Variants in UQCRC2 observed in about 807,000 individuals in gnomAD.
UQCRC2 encodes cytochrome b-c1 complex subunit 2, mitochondrial.
In UQCRC2, 49 loss-of-function variants were observed where a neutral mutation model predicts 55.6. That is an observed-to-expected ratio of 0.88 (90% CI 0.70 to 1.12). The LOEUF is 1.12. UQCRC2 is among the 50% of genes most tolerant of loss of function. The pLI is 0.00. For synonymous variants in UQCRC2, 193 were observed against 192.0 expected (o/e 1.01, Z -0.04); for missense variants, 506 against 547.8 (o/e 0.92, Z 0.76).
chr16:21,967,480 C>T (rs749986623), intron 7 of UQCRC2, among the ~76,000 whole-genome samples: 8 of 151,576 alleles, frequency 5.3e-5, no homozygotes, highest in Non-Finnish European at 1.2e-4. Context: ...TTTCACCCAT[C>T]TGGAAAGGAT....
chr16:21,978,800 C>T (rs1304578451), intron 12 of UQCRC2, among the ~76,000 whole-genome samples: 2 of 152,104 alleles, frequency 1.3e-5, no homozygotes, highest in East Asian at 1.9e-4. Flanking sequence ...TGTTGAGTTT[C>T]GGGGCACATA....
intron 1 of UQCRC2, among the ~76,000 whole-genome samples, chr16:21,956,329 A>C (rs748520076): frequency 6.6e-6 from 1 of 152,086 alleles, no homozygotes; most frequent in Non-Finnish European, 1.5e-5. Flanking sequence ...GGATTGCCTG[A>C]GCTCAGGAGT....
chr16:21,974,502 C>T (rs1898536824), intron 11 of UQCRC2, among the ~76,000 whole-genome samples: 2 of 152,174 alleles, frequency 1.3e-5, no homozygotes, highest in Middle Eastern at 3.2e-3. Context: ...AGTGAAATAA[C>T]ATTCATTACC....
intron 6 of UQCRC2, among the ~76,000 whole-genome samples, chr16:21,964,053 C>G (rs1898267229): frequency 6.6e-6 from 1 of 152,056 alleles, no homozygotes; most frequent in African/African-American, 2.4e-5. Flanking sequence ...CTGGTGGGAG[C>G]AGAAATGTGC....
In UQCRC2 at chr16:21,963,051, C is replaced by G. The variant is rs556294440; in HGVS notation, c.514+166C>G. 2.1e-5 allele frequency: 18 copies of G among 863,674 alleles called. No homozygotes were observed. In the Admixed American group the frequency reaches 4.9e-4, roughly 24 times the overall value. 53.5% of individuals were successfully genotyped at this position (863,674 alleles called of 1,614,324 possible). On this transcript the variant is annotated intron_variant, in intron 6 of 13. Coordinates refer to ENST00000268379, the MANE Select transcript of UQCRC2 (RefSeq NM_003366.4). ...TCACCCAGGCTGGAGTGCAGTGGCA[C>G]GATCTTGGCTCACTGCAACCTCCAG... is the stretch of plus-strand genomic sequence containing the variant.
At chr16:21,961,674 G>C (rs1418432699) in intron 4 of UQCRC2, among the ~76,000 whole-genome samples, 1 of 57,732 alleles carries the variant, frequency 1.7e-5, no homozygotes, top group Non-Finnish European at 5.2e-5. Context: ...ATATATTTTA[G>C]ACAGTCTCGC....
At chr16:21,962,336 T>C in intron 4 of UQCRC2, 124 bp from the exon 5 acceptor site, 1 of 1,144,612 alleles carries the variant, frequency 8.7e-7, no homozygotes, top group Non-Finnish European at 1.2e-6. Flanking sequence ...TTTTGTTATA[T>C]TATTGTTCGC....
intron 12 of UQCRC2, chr16:21,977,028 C>A (rs1452874513): frequency 6.6e-6 from 1 of 151,914 alleles, no homozygotes; most frequent in Non-Finnish European, 1.5e-5. Flanking sequence ...CGAAAGACTC[C>A]ATGTTAGAGT....
rs1356711102 is a variant in UQCRC2, at chr16:21,973,937, T to A, written c.1008T>A (p.Phe336Leu). Residue 336 changes from phenylalanine (F) to leucine (L), a missense_variant, in exon 11 of 14, where the codon TTT becomes TTA. Physicochemically the swap from Phe to Leu is conservative, Grantham distance 22. Transcript: ENST00000268379. Reference protein sequence around the residue: ...FNASYSDSGLFGIYTISQATA... With the variant: ...FNASYSDSGLLGIYTISQATA... The stretch of plus-strand genomic sequence containing the variant: ...CCAGTTACTCAGATTCTGGACTCTT[T>A]GGGATTTATACTATCTCCCAGGCCA... 1 of 1,612,764 alleles carries A rather than the reference T, an allele frequency of 6.2e-7. No individual in the cohort carries two copies. Among genetic ancestry groups the A allele is most frequent in the Non-Finnish European group, 8.5e-7 (1 of 1,179,580 alleles).
In UQCRC2 at chr16:21,962,517, G is replaced by T. The variant is rs1291508041; in HGVS notation, c.389+1G>T. 1.2e-6 allele frequency: 2 copies of T among 1,614,176 alleles called. No individual in the cohort carries two copies. Among genetic ancestry groups the T allele is most frequent in the Admixed American group, 1.7e-5 (1 of 60,026 alleles). ...CTGTGGAATGCCTGCGGGGTGATGT[G>T]TAAGTACCTGTGTGTGTTTAGGACT... On this transcript the variant is annotated splice_donor_variant, in intron 5 of 13. Coordinates refer to ENST00000268379, the MANE Select transcript of UQCRC2 (RefSeq NM_003366.4). LOFTEE classifies it high-confidence loss of function.
At chr16:21,980,176 G>T in intron 12 of UQCRC2, 1 of 211,116 alleles carries the variant, frequency 4.7e-6, no homozygotes. Flanking sequence ...AGAGCATGCT[G>T]CGACTGGCCA....
At chr16:21,972,531 C>G (rs1486476678) in intron 10 of UQCRC2, among the ~76,000 whole-genome samples, 1 of 152,030 alleles carries the variant, frequency 6.6e-6, no homozygotes, top group Non-Finnish European at 1.5e-5. Flanking sequence ...AGATGAACAC[C>G]AAGAAATTGT....
intron 7 of UQCRC2, 71 bp downstream of exon 7, chr16:21,965,576 G>A: frequency 7.7e-7 from 1 of 1,293,046 alleles, no homozygotes; most frequent in Non-Finnish European, 1.0e-6. Flanking sequence ...TTTCAGGTTT[G>A]TTTGTTAATT....
intron 4 of UQCRC2, among the ~76,000 whole-genome samples, chr16:21,960,688 C>T (rs1898179625): frequency 6.6e-6 from 1 of 152,084 alleles, no homozygotes; most frequent in East Asian, 1.9e-4. Flanking sequence ...CACTTGTATA[C>T]TTAGGGGCCA....
At position 21,976,191 on chromosome 16, in the gene UQCRC2, G is replaced by A. The variant is rs761175694; in HGVS notation, c.1072G>A (p.Val358Ile). ...GGTTATCAAGGCTGCCTATAATCAA[G>A]TAAAAACAATAGCTCAAGGAAACCT... The part of the protein sequence containing the change: ...GDVIKAAYNQ[V>I]KTIAQGNLSN... The change falls in exon 12 of 14, where the codon GTA becomes ATA. Residue 358 changes from valine (V) to isoleucine (I), a missense_variant. Physicochemically the swap from Val to Ile is conservative, Grantham distance 29. Coordinates refer to ENST00000268379, the MANE Select transcript of UQCRC2 (RefSeq NM_003366.4). 1 of 1,613,996 alleles carries A rather than the reference G, an allele frequency of 6.2e-7. No individual in the cohort carries two copies. The highest frequency in any genetic ancestry group is 8.5e-7 in the Non-Finnish European group (1 of 1,179,908).
At chr16:21,975,979 A>G (rs1045640378) in intron 11 of UQCRC2, among the ~76,000 whole-genome samples, 188 bp from the exon 12 acceptor site, 2 of 152,138 alleles carry the variant, frequency 1.3e-5, no homozygotes, top group Admixed American at 6.5e-5. Context: ...GATTGTGTAT[A>G]AACAGCTGCT....
intron 8 of UQCRC2, among the ~76,000 whole-genome samples, chr16:21,970,704 G>A (rs1898438533): frequency 6.6e-6 from 1 of 152,142 alleles, no homozygotes; most frequent in South Asian, 2.1e-4. Context: ...TCCGGCCTCA[G>A]CCTCCCGAGT....
intron 1 of UQCRC2, 35 bp from the exon 2 acceptor site, chr16:21,957,200 G>C (rs1217924950): frequency 1.2e-6 from 2 of 1,604,178 alleles, no homozygotes; most frequent in East Asian, 2.2e-5. Flanking sequence ...CTGTTCTTGT[G>C]AGAAATACGT....
intron 13 of UQCRC2, among the ~76,000 whole-genome samples, chr16:21,982,200 A>G (rs1218876154): frequency 2.6e-5 from 4 of 151,976 alleles, no homozygotes; most frequent in Non-Finnish European, 4.4e-5. Context: ...GTGCGTCCCA[A>G]CCCGACTGCT....
Sources: gnomAD v4.1 joint callset for allele counts (sites outside exome capture counted in the v4.1 genomes callset) on GRCh38, gnomAD v4.1.1 for gene constraint, MANE v1.5 for transcripts, NCBI Gene and HGNC (gene_info 2026-07-23, HGNC 2026-07-21) for gene names.